The following EIF2AK1 variants were observed in gnomAD, a reference collection of about 807,000 sequenced individuals.
EIF2AK1 encodes eukaryotic translation initiation factor 2-alpha kinase 1.
A neutral mutation model predicts 77.9 loss-of-function variants in EIF2AK1; 54 were observed. The ratio of observed to expected loss-of-function variants is 0.69; its 90% CI spans 0.56 to 0.87. The LOEUF is 0.87. Among genes scored for constraint, EIF2AK1 ranks in the 40% least tolerant of loss-of-function variants. The probability of loss-of-function intolerance (pLI) is 0.00; values close to 1 mark genes in which losing one functional copy is unlikely to be tolerated. For synonymous variants in EIF2AK1, 314 were observed against 290.5 expected, an observed-to-expected ratio of 1.08 and a Z score of -0.82; for missense variants, 810 against 768.6, an observed-to-expected ratio of 1.05 and a Z score of -0.64.
Position 6,033,437 on chromosome 7 carries a change from T to A in EIF2AK1, c.1332+3987A>T, listed in dbSNP as rs967190610. Among the ~76,000 whole-genome samples, 1 of 152,210 alleles carries A rather than the reference T, an allele frequency of 6.6e-6. No individual in the cohort carries two copies. Among genetic ancestry groups the A allele is most frequent in the African/African-American group, 2.4e-5 (1 of 41,456 alleles). The stretch of plus-strand genomic sequence containing the variant: ...ACTGAGAAAAATGCAACATCATAAA[T>A]ATTTTGCCAAATTAATGCACATTCT... On this transcript the variant is annotated intron_variant, in intron 11 of 14. Coordinates refer to ENST00000199389, the MANE Select transcript of EIF2AK1 (RefSeq NM_014413.4). The surrounding 1 kb of genome is among the most constrained non-coding windows in gnomAD (Gnocchi z 4.4).
chr7:6,035,585 G>C lies in EIF2AK1; in HGVS notation c.1332+1839C>G. 4 of 1,551,120 alleles carry C rather than the reference G, an allele frequency of 2.6e-6. No individual in the cohort carries two copies. Among genetic ancestry groups the C allele is most frequent in the Non-Finnish European group, 3.5e-6 (4 of 1,147,116 alleles). ...GCAGCATCACATGTCTCCGCATCTT[G>C]TGTGCGCACGGAGCTCAAGTGAACA... On this transcript the variant is annotated intron_variant, in intron 11 of 14. Transcript: ENST00000199389. This position sits in a 1 kb window ranked among gnomAD's most constrained non-coding sequence, Gnocchi z 5.5.
intron 2 of EIF2AK1, among the ~76,000 whole-genome samples, chr7:6,054,206 G>A (rs1198612853): frequency 1.2e-5 from 1 of 85,186 alleles, no homozygotes; most frequent in Non-Finnish European, 2.5e-5. Flanking sequence ...ATTTTTACAA[G>A]CTTTATTTAT....
intron 14 of EIF2AK1, 119 bp from the exon 15 acceptor site, chr7:6,024,920 C>A: frequency 1.5e-6 from 1 of 670,972 alleles, no homozygotes; most frequent in East Asian, 3.4e-5. Context: ...CTCACTGCAA[C>A]CTGTGCCTCC....
intron 11 of EIF2AK1, among the ~76,000 whole-genome samples, chr7:6,037,074 T>A (rs1788121197): frequency 6.6e-6 from 1 of 151,684 alleles, no homozygotes. Context: ...CAAAAAAAAA[T>A]TTAAAAATTA....
rs182038300 is a variant in EIF2AK1, at chr7:6,046,026, C to T, written c.630+45G>A. The T allele has an allele frequency of 2.3e-6, 3 of 1,297,690 alleles. No homozygotes were observed. The African/African-American group carries it at 4.6e-5, about 20-fold the overall frequency. The allele number at this position is 1,297,690 out of a possible 1,614,324, so 80.4% of individuals were successfully genotyped here. On this transcript the variant is annotated intron_variant, in intron 6 of 14. Transcript: ENST00000199389. ...ACATGTATAACTCTTTCAAAAAGAA[C>T]TAAATACACAATTATTCAAAATAAG...
At position 6,022,608 on chromosome 7, in the gene EIF2AK1, G is replaced by C. The variant is rs1055753678; in HGVS notation, c.*2065C>G. 1.3e-5 allele frequency: 2 copies of C among 152,252 alleles called. No homozygotes were observed. Among genetic ancestry groups the C allele is most frequent in the African/African-American group, 4.8e-5 (2 of 41,434 alleles). The allele number at this position is 152,252 out of a possible 1,614,324, so 9.4% of individuals were successfully genotyped here. On this transcript the variant is annotated 3_prime_UTR_variant, in exon 15 of 15. Transcript: ENST00000199389. ...AAGCCTGTGGGATAGTTCTAGAGGAGGAGCAGAGATGAAGCAACGCAAAGA... is the reference window on the plus strand; with the variant it reads ...AAGCCTGTGGGATAGTTCTAGAGGACGAGCAGAGATGAAGCAACGCAAAGA...
rs1001950620 is a variant in EIF2AK1 at position 6,022,747 on chromosome 7, G to A, written c.*1926C>T. 1 of 152,564 alleles carries A rather than the reference G, an allele frequency of 6.6e-6. No homozygotes were observed. The highest frequency in any genetic ancestry group is 2.4e-5 in the African/African-American group (1 of 41,448). 9.5% of individuals were successfully genotyped at this position (152,564 alleles called of 1,614,324 possible). A position where few individuals can be genotyped will look rare whatever the true frequency, so the allele number is the denominator to read the frequency against. On this transcript the variant is annotated 3_prime_UTR_variant, in exon 15 of 15. Coordinates refer to ENST00000199389, the MANE Select transcript of EIF2AK1 (RefSeq NM_014413.4). ...CCAACCAGGCAAAGCGGGGAGTCATGGCTATCACAGCCATCTTGCCCTCAC... is the reference window on the plus strand; with the variant it reads ...CCAACCAGGCAAAGCGGGGAGTCATAGCTATCACAGCCATCTTGCCCTCAC...
chr7:6,024,539 G>A lies in EIF2AK1; in HGVS notation c.*134C>T. The A allele has an allele frequency of 1.3e-6, 2 of 1,485,876 alleles. No individual in the cohort carries two copies. The highest frequency in any genetic ancestry group is 1.8e-6 in the Non-Finnish European group (2 of 1,125,466). 92.0% of individuals were successfully genotyped at this position (1,485,876 alleles called of 1,614,324 possible). On this transcript the variant is annotated 3_prime_UTR_variant, in exon 15 of 15. Transcript: ENST00000199389. The stretch of plus-strand genomic sequence containing the variant: ...TGGGGCAGGAAGGGAAGGAACGGCA[G>A]CTTGGGGCACTCTGACATCTTTAAC...
chr7:6,035,429 C>T lies in EIF2AK1; in HGVS notation c.1332+1995G>A, dbSNP rs1034926836. On this transcript the variant is annotated intron_variant, in intron 11 of 14. Transcript: ENST00000199389. This position sits in a 1 kb window ranked among gnomAD's most constrained non-coding sequence, Gnocchi z 5.5. ...CTGTGAATTCAGTGTAACGTGTAAT[C>T]AATACCCATTCTAGGGACACGACAG... is the stretch of plus-strand genomic sequence containing the variant. 1 of 1,544,062 alleles carries T rather than the reference C, an allele frequency of 6.5e-7. No homozygotes were observed. The highest frequency in any genetic ancestry group is 8.8e-7 in the Non-Finnish European group (1 of 1,142,270).
intron 6 of EIF2AK1, among the ~76,000 whole-genome samples, chr7:6,045,746 T>C (rs947493080): frequency 2.0e-5 from 3 of 147,806 alleles, no homozygotes; most frequent in Non-Finnish European, 4.5e-5. Context: ...TATATATATA[T>C]ATATATAAAT....
In EIF2AK1 at chr7:6,035,914, G is replaced by A. The variant is rs956123693; in HGVS notation, c.1332+1510C>T. On this transcript the variant is annotated intron_variant, in intron 11 of 14. Coordinates refer to ENST00000199389, the MANE Select transcript of EIF2AK1 (RefSeq NM_014413.4). The surrounding 1 kb of genome is among the most constrained non-coding windows in gnomAD (Gnocchi z 5.5). ...CTCGGGGCGGGGGTCAGCTGCATCC[G>A]TCTGCTACTCACTCACGGAGCCAAA... 1.6e-5 allele frequency: 24 copies of A among 1,546,892 alleles called. No individual in the cohort carries two copies. Among genetic ancestry groups the A allele is most frequent in the Middle Eastern group, 1.7e-4 (1 of 5,986 alleles).
Position 6,056,628 on chromosome 7 carries a change from A to ATATGTATG in EIF2AK1, c.119-1925_119-1924insCATACATA, listed in dbSNP as rs1554324728. Among the ~76,000 whole-genome samples the ATATGTATG allele has an allele frequency of 1.1e-3, 87 of 75,930 alleles. 1 individual carries two copies. Among genetic ancestry groups the ATATGTATG allele is most frequent in the African/African-American group, 3.8e-3 (69 of 18,054 alleles). The allele number at this position is 75,930 out of a possible 152,430, so 49.8% of individuals were successfully genotyped here. A position where few individuals can be genotyped will look rare whatever the true frequency, so the allele number is the denominator to read the frequency against. ...AAAAAAAAAAAATATATATATATAT[A>ATATGTATG]TATATATAAACTCTGTCTGGACATT... On this transcript the variant is annotated intron_variant, in intron 1 of 14. Coordinates refer to ENST00000199389, the MANE Select transcript of EIF2AK1 (RefSeq NM_014413.4).
intron 11 of EIF2AK1, among the ~76,000 whole-genome samples, chr7:6,029,454 T>C (rs1481788829): frequency 2.6e-5 from 4 of 151,778 alleles, no homozygotes; most frequent in African/African-American, 7.2e-5. Flanking sequence ...GATTGTGGCA[T>C]TGCACTCCAG....
At chr7:6,026,576 A>G (rs549708066) in intron 14 of EIF2AK1, 152 bp downstream of exon 14, 2 of 728,360 alleles carry the variant, frequency 2.7e-6, no homozygotes, top group South Asian at 3.0e-5. Flanking sequence ...GAGTGCCAGG[A>G]AGTGGACGAG....
rs1788515342 is a variant in EIF2AK1, at chr7:6,048,779, C to T, written c.449+28G>A. The T allele has an allele frequency of 4.6e-6, 7 of 1,534,036 alleles. No individual in the cohort carries two copies. The South Asian group carries it at 6.1e-5, about 13-fold the overall frequency. ...ATTTTGATTTCTTTTCAATAGTCTG[C>T]ATAATCAAGAAAGTTTTTCACACAT... On this transcript the variant is annotated intron_variant, in intron 4 of 14. Coordinates refer to ENST00000199389, the MANE Select transcript of EIF2AK1 (RefSeq NM_014413.4).
intron 1 of EIF2AK1, among the ~76,000 whole-genome samples, chr7:6,058,650 C>T (rs1220399661): frequency 6.6e-6 from 1 of 152,226 alleles, no homozygotes; most frequent in Non-Finnish European, 1.5e-5. Flanking sequence ...AATGACAAAA[C>T]CCAGGGCATG....
In EIF2AK1 at chr7:6,046,998, T is replaced by C. The variant is rs892578095; in HGVS notation, c.543A>G (p.Val181=). 2 of 1,611,778 alleles carry C rather than the reference T, an allele frequency of 1.2e-6. No individual in the cohort carries two copies. Among genetic ancestry groups the C allele is most frequent in the Non-Finnish European group, 1.7e-6 (2 of 1,179,350 alleles). Residue 181 remains valine, a synonymous_variant, in exon 5 of 15, where the codon GTA becomes GTG. Coordinates refer to ENST00000199389, the MANE Select transcript of EIF2AK1 (RefSeq NM_014413.4). ...AILGKGGYGR[V]YKVRNKLDGQ... ...CAAGTACGTGGAAGACAACCTTGTA[T>C]ACTCTTCCGTATCCACCTTTTCCTA...
chr7:6,039,870 G>A (rs1023134314), intron 9 of EIF2AK1, among the ~76,000 whole-genome samples: 6 of 151,992 alleles, frequency 3.9e-5, no homozygotes, highest in Non-Finnish European at 5.9e-5. Flanking sequence ...CCAGGAGGCA[G>A]AGGTTTCAGT....
At position 6,027,249 on chromosome 7, in the gene EIF2AK1, C is replaced by A. The variant is rs1341696025; in HGVS notation, c.1531-288G>T. Among the ~76,000 whole-genome samples the A allele has an allele frequency of 6.6e-6, 1 of 152,178 alleles. No individual in the cohort carries two copies. The highest frequency in any genetic ancestry group is 2.4e-5 in the African/African-American group (1 of 41,442). On this transcript the variant is annotated intron_variant, in intron 13 of 14. Coordinates refer to ENST00000199389, the MANE Select transcript of EIF2AK1 (RefSeq NM_014413.4). This position sits in a 1 kb window ranked among gnomAD's most constrained non-coding sequence, Gnocchi z 4.5. ...ACTGTCTTCAGCACCCCTTAACAAT[C>A]CAGGCCTGACCCAGGCAATGATGTG...
Sources: allele counts gnomAD v4.1 joint callset (sites outside exome capture counted in the v4.1 genomes callset), GRCh38; gene constraint gnomAD v4.1.1; non-coding constraint Gnocchi (gnomAD v3.1); transcripts MANE v1.5; gene names NCBI Gene and HGNC (gene_info 2026-07-23, HGNC 2026-07-21).